Variants in ARHGEF3 observed in about 807,000 individuals in gnomAD.
The protein encoded by ARHGEF3 is 59.8 kDA protein.
ARHGEF3 carries 28 observed loss-of-function variants against 63.2 expected under a neutral mutation model. The observed-to-expected ratio is 0.44, with a 90% CI of 0.33 to 0.61. ARHGEF3 has a LOEUF of 0.61. ARHGEF3 is among the 20% of genes least tolerant of loss of function. The pLI, the probability that ARHGEF3 is intolerant of heterozygous loss-of-function variation, is 0.03. For synonymous variants in ARHGEF3, 266 were observed against 254.2 expected, an observed-to-expected ratio of 1.05 and a Z score of -0.44; for missense variants, 533 against 659.3, an observed-to-expected ratio of 0.81 and a Z score of 2.10.
At chr3:57,047,613 T>C (rs114263587) in intron 1 of ARHGEF3, among the ~76,000 whole-genome samples, 3,176 of 152,278 alleles carry the variant, frequency 0.021, 46 homozygotes, top group Non-Finnish European at 0.034. Flanking sequence ...CAAAGGTCAG[T>C]GTCCTTTCCT....
chr3:56,860,839 G>C (rs930097004), intron 4 of ARHGEF3, among the ~76,000 whole-genome samples: 1 of 152,138 alleles, frequency 6.6e-6, no homozygotes, highest in Non-Finnish European at 1.5e-5. Flanking sequence ...TGATTAATAC[G>C]TGCCAAGTTC....
chr3:56,877,862 A>T (rs1378748883), intron 4 of ARHGEF3, among the ~76,000 whole-genome samples: 1 of 152,156 alleles, frequency 6.6e-6, no homozygotes, highest in Non-Finnish European at 1.5e-5. Flanking sequence ...CTTCAGTTGC[A>T]TTGGTAGCTA....
intron 3 of ARHGEF3, among the ~76,000 whole-genome samples, chr3:56,885,850 T>C (rs1379494517): frequency 1.3e-5 from 2 of 152,212 alleles, no homozygotes; most frequent in African/African-American, 2.4e-5. Flanking sequence ...TTTTCTTACA[T>C]AGGGAGGTGA....
intron 4 of ARHGEF3, among the ~76,000 whole-genome samples, chr3:56,852,043 C>G (rs910575868): frequency 5.9e-5 from 9 of 152,218 alleles, no homozygotes; most frequent in African/African-American, 2.2e-4. Context: ...CCTCTGTTAT[C>G]TGACCCTTAC....
At chr3:56,867,059 T>G (rs2108210210) in intron 4 of ARHGEF3, among the ~76,000 whole-genome samples, 1 of 152,342 alleles carries the variant, frequency 6.6e-6, no homozygotes, top group Admixed American at 6.5e-5. Flanking sequence ...TATCACAAGG[T>G]CTCTTCAGGT....
chr3:56,887,326 C>G (rs2040956542), intron 3 of ARHGEF3, among the ~76,000 whole-genome samples: 1 of 152,282 alleles, frequency 6.6e-6, no homozygotes, highest in African/African-American at 2.4e-5. Context: ...CTAGAATAAC[C>G]CCATTTCCTT....
chr3:56,875,613 T>C (rs1337734066), intron 4 of ARHGEF3, among the ~76,000 whole-genome samples: 1 of 152,214 alleles, frequency 6.6e-6, no homozygotes, highest in Non-Finnish European at 1.5e-5. Flanking sequence ...ACATCTGAGA[T>C]AAATATGTTC....
chr3:56,989,721 C>A (rs1579032834), intron 2 of ARHGEF3, among the ~76,000 whole-genome samples: 1 of 152,316 alleles, frequency 6.6e-6, no homozygotes, highest in Non-Finnish European at 1.5e-5. Flanking sequence ...ACCACCCCTG[C>A]CCCACTCCCT....
At chr3:57,018,857 A>G (rs1244803233) in intron 2 of ARHGEF3, among the ~76,000 whole-genome samples, 1 of 152,238 alleles carries the variant, frequency 6.6e-6, no homozygotes, top group East Asian at 1.9e-4. Flanking sequence ...ATCGAGCTTC[A>G]GGGAAGTTAA....
chr3:56,980,838 GC>G (rs1262636765), intron 2 of ARHGEF3, among the ~76,000 whole-genome samples: 1 of 152,216 alleles, frequency 6.6e-6, no homozygotes, highest in African/African-American at 2.4e-5. Flanking sequence ...ATGCTACCAG[GC>G]TTCAAGTCAA....
intron 2 of ARHGEF3, among the ~76,000 whole-genome samples, chr3:56,757,076 G>T (rs556505809): frequency 1.1e-4 from 17 of 152,292 alleles, no homozygotes; most frequent in Admixed American, 2.6e-4. Flanking sequence ...CATCACAAAG[G>T]CATTCTAAGG....
At chr3:56,876,695 C>T (rs1247970676) in intron 4 of ARHGEF3, among the ~76,000 whole-genome samples, 4 of 151,614 alleles carry the variant, frequency 2.6e-5, no homozygotes, top group African/African-American at 9.7e-5. Context: ...AAAAAAAATG[C>T]AGGAAGAATG....
intron 3 of ARHGEF3, chr3:56,916,457 C>A: frequency 1.4e-6 from 2 of 1,423,138 alleles, no homozygotes; most frequent in Non-Finnish European, 1.8e-6. Flanking sequence ...CTCCTCCCCG[C>A]CACTTGGGCT....
At chr3:56,796,042 A>G (rs2037344854) in intron 1 of ARHGEF3, among the ~76,000 whole-genome samples, 1 of 151,910 alleles carries the variant, frequency 6.6e-6, no homozygotes, top group Non-Finnish European at 1.5e-5. Context: ...ATGAGCCAAC[A>G]TAAGAATAAA....
At chr3:56,804,461 C>A (rs528198166), upstream of ARHGEF3, among the ~76,000 whole-genome samples, 17 of 152,298 alleles carry the variant, frequency 1.1e-4, no homozygotes, top group African/African-American at 4.1e-4. Flanking sequence ...CAAATCCACA[C>A]CCTCACACTA....
chr3:56,734,905 T>C (rs2033494476), intron 8 of ARHGEF3, among the ~76,000 whole-genome samples: 1 of 152,176 alleles, frequency 6.6e-6, no homozygotes, highest in Non-Finnish European at 1.5e-5. Context: ...ATGTACAGTA[T>C]TTGGAATAAT....
At chr3:56,910,154 C>G (rs9862967) in intron 3 of ARHGEF3, among the ~76,000 whole-genome samples, 141,321 of 152,218 alleles carry the variant, frequency 0.93, 66,029 homozygotes, top group Non-Finnish European at 0.99. Context: ...CCAGAGGTTT[C>G]AGGCAGGGAG....
intron 6 of ARHGEF3, among the ~76,000 whole-genome samples, chr3:56,749,445 T>C (rs933923952): frequency 1.3e-5 from 2 of 152,262 alleles, no homozygotes; most frequent in African/African-American, 4.8e-5. Context: ...AGTCCTGTAC[T>C]GCTGTCTCAT....
chr3:56,909,499 A>G (rs556573474), intron 3 of ARHGEF3, among the ~76,000 whole-genome samples: 31 of 152,286 alleles, frequency 2.0e-4, no homozygotes, highest in African/African-American at 6.0e-4. Context: ...TCCCTTTCTC[A>G]TATCAGAAGA....
Sources: allele counts gnomAD v4.1 joint callset (sites outside exome capture counted in the v4.1 genomes callset), GRCh38; gene constraint gnomAD v4.1.1; transcripts MANE v1.5; gene names NCBI Gene and HGNC (gene_info 2026-07-23, HGNC 2026-07-21).